The following RAD51B variants were observed in gnomAD, a reference collection of about 807,000 sequenced individuals.
RAD51B encodes RAD51 paralog B, also known as DNA repair protein RAD51 homolog 2.
Under a neutral mutation model 42.2 loss-of-function variants are expected in RAD51B, and 38 were observed. The observed-to-expected ratio is 0.90, with a 90% CI of 0.70 to 1.18. The LOEUF is 1.18. RAD51B is among the 50% of genes most tolerant of loss of function. The pLI is 0.00. For missense variants in RAD51B, 373 were observed against 400.7 expected, an observed-to-expected ratio of 0.93 and a Z score of 0.59; for synonymous variants, 154 against 145.2, an observed-to-expected ratio of 1.06 and a Z score of -0.43.
intron 8 of RAD51B, among the ~76,000 whole-genome samples, chr14:68,362,675 C>G (rs1337215388): frequency 6.6e-6 from 1 of 152,078 alleles, no homozygotes; most frequent in Admixed American, 6.6e-5. Context: ...GGGTGAAACC[C>G]CGTCTCTACT....
chr14:68,121,432 C>T (rs2077650067), intron 7 of RAD51B, among the ~76,000 whole-genome samples: 1 of 152,140 alleles, frequency 6.6e-6, no homozygotes, highest in Non-Finnish European at 1.5e-5. Flanking sequence ...CTGGTTTGTA[C>T]CATATGACCC....
intron 9 of RAD51B, among the ~76,000 whole-genome samples, chr14:68,447,332 C>G (rs1024220022): frequency 6.6e-6 from 1 of 152,146 alleles, no homozygotes; most frequent in Non-Finnish European, 1.5e-5. Context: ...GTTTATTCCC[C>G]CATTAAGTAG....
chr14:67,857,643 C>T (rs972169864), intron 4 of RAD51B, among the ~76,000 whole-genome samples: 4 of 152,164 alleles, frequency 2.6e-5, no homozygotes, highest in African/African-American at 9.7e-5. Flanking sequence ...GAGAACATAT[C>T]CAAAACTTGG....
chr14:68,029,011 A>G (rs922242655), intron 7 of RAD51B, among the ~76,000 whole-genome samples: 1 of 152,200 alleles, frequency 6.6e-6, no homozygotes, highest in African/African-American at 2.4e-5. Context: ...CCCTGTAGCT[A>G]GGATTCCAGA....
At chr14:68,032,316 A>G (rs1013747776) in intron 7 of RAD51B, among the ~76,000 whole-genome samples, 3 of 152,080 alleles carry the variant, frequency 2.0e-5, no homozygotes, top group African/African-American at 7.2e-5. Flanking sequence ...TTCAGTATTT[A>G]GCACTCTCTC....
exon 11 of RAD51B, chr14:68,594,873 G>A (rs1301325708): frequency 1.7e-6 from 2 of 1,146,878 alleles, no homozygotes; most frequent in East Asian, 8.0e-5. Context: ...CACAGCCCAT[G>A]CCCTCCACCA....
At chr14:68,479,667 C>CTTTTTTTTTTTTTTT (rs34999023), downstream of RAD51B, among the ~76,000 whole-genome samples, 2 of 96,440 alleles carry the variant, frequency 2.1e-5, no homozygotes, top group Non-Finnish European at 4.0e-5. Flanking sequence ...TCTTATTCTT[C>CTTTTTTTTTTTTTTT]TTTTTTTTTT....
chr14:68,644,762 T>C lies in RAD51B; in HGVS notation c.1037-6019T>C, dbSNP rs563954180. Among the ~76,000 whole-genome samples the C allele has an allele frequency of 4.6e-5, 7 of 152,240 alleles. No homozygotes were observed. The South Asian group carries it at 1.5e-3, about 32-fold the overall frequency. On this transcript the variant is annotated intron_variant, in intron 10 of 11. Transcript: ENST00000488612. ...CTGGTTTGTCGTTTGCTTTTTTTTT[T>C]AATTAACTTCATCTCCACAAAAGTC...
chr14:68,399,090 C>T (rs1368409026), intron 8 of RAD51B, among the ~76,000 whole-genome samples: 1 of 152,088 alleles, frequency 6.6e-6, no homozygotes, highest in Non-Finnish European at 1.5e-5. Flanking sequence ...TCCAGAGATC[C>T]AATCCCATGT....
chr14:68,470,765 G>A, intron 10 of RAD51B: 1 of 421,704 alleles, frequency 2.4e-6, no homozygotes, highest in Non-Finnish European at 4.5e-6. Flanking sequence ...TTGTGTGGGG[G>A]CTGCAGCATA....
chr14:68,567,950 T>G (rs566415720), intron 10 of RAD51B, among the ~76,000 whole-genome samples: 1 of 152,292 alleles, frequency 6.6e-6, no homozygotes, highest in East Asian at 1.9e-4. Flanking sequence ...CCCGTTCACA[T>G]GATATGAATG....
chr14:68,148,208 A>G (rs2078295804), intron 7 of RAD51B, among the ~76,000 whole-genome samples: 1 of 152,116 alleles, frequency 6.6e-6, no homozygotes, highest in South Asian at 2.1e-4. Context: ...TATATACTAC[A>G]TTTGCTTATC....
chr14:67,901,008 T>C (rs1222282734), intron 7 of RAD51B, among the ~76,000 whole-genome samples: 1 of 152,002 alleles, frequency 6.6e-6, no homozygotes, highest in Non-Finnish European at 1.5e-5. Context: ...GGAGAGTAAA[T>C]AGAGTAGAAT....
At chr14:68,457,843 G>C (rs1379471305) in intron 9 of RAD51B, among the ~76,000 whole-genome samples, 1 of 139,382 alleles carries the variant, frequency 7.2e-6, no homozygotes, top group Non-Finnish European at 1.5e-5. Context: ...TCAATCTCCT[G>C]ACCTCGTGAT....
At chr14:68,073,817 C>T (rs2076791374) in intron 7 of RAD51B, among the ~76,000 whole-genome samples, 1 of 152,064 alleles carries the variant, frequency 6.6e-6, no homozygotes, top group Non-Finnish European at 1.5e-5. Context: ...TTCTTGGTTT[C>T]AATTTATTTT....
intron 7 of RAD51B, among the ~76,000 whole-genome samples, chr14:68,277,300 A>G (rs1188074419): frequency 1.3e-5 from 2 of 152,184 alleles, no homozygotes; most frequent in Non-Finnish European, 2.9e-5. Flanking sequence ...AAAAAGGAGA[A>G]GCCAAGATCC....
chr14:68,200,517 G>A (rs2079461706), intron 7 of RAD51B, among the ~76,000 whole-genome samples: 3 of 152,176 alleles, frequency 2.0e-5, no homozygotes, highest in African/African-American at 7.2e-5. Flanking sequence ...TTTTGCAAAT[G>A]TGTTCTCTTC....
chr14:68,633,565 C>G (rs541283269), intron 10 of RAD51B, among the ~76,000 whole-genome samples: 8 of 152,284 alleles, frequency 5.3e-5, no homozygotes, highest in African/African-American at 1.4e-4. Flanking sequence ...GAACAGTGCT[C>G]TAGTCCCTGG....
At position 68,215,986 on chromosome 14, in the gene RAD51B, T is replaced by C. The variant is rs536412957; in HGVS notation, c.757-75898T>C. 4.6e-5 allele frequency among the ~76,000 whole-genome samples: 7 copies of C among 152,322 alleles called. No homozygotes were observed. In the South Asian group the frequency reaches 1.0e-3, roughly 23 times the overall value. ...GTAAATGCAGGTGGTTCTTGTCTCA[T>C]AGTGATTCACATGTGGGTTTATGCC... On this transcript the variant is annotated intron_variant, in intron 7 of 10. Transcript: ENST00000471583.
Sources: gnomAD v4.1 joint callset for allele counts (sites outside exome capture counted in the v4.1 genomes callset) on GRCh38, gnomAD v4.1.1 for gene constraint, MANE v1.5 for transcripts, NCBI Gene and HGNC (gene_info 2026-07-23, HGNC 2026-07-21) for gene names.